The following ANO7 variants were observed in gnomAD, a reference collection of about 807,000 sequenced individuals.
The protein encoded by ANO7 is anoctamin-7.
In ANO7, 114 loss-of-function variants were observed where a neutral mutation model predicts 115.8. That is an observed-to-expected ratio of 0.98 (90% CI 0.85 to 1.15). The LOEUF (loss-of-function observed/expected upper bound fraction) is 1.15. Ranked by LOEUF, ANO7 falls within the 50% of genes most tolerant of loss-of-function variation. ANO7 has a pLI of 0.00. For synonymous variants in ANO7, 550 were observed against 498.2 expected, an observed-to-expected ratio of 1.10 and a Z score of -1.38; for missense variants, 1,302 against 1,201.2, an observed-to-expected ratio of 1.08 and a Z score of -1.24.
At chr2:241,223,330 T>G in intron 22 of ANO7, 54 bp downstream of exon 22, 1 of 1,594,198 alleles carries the variant, frequency 6.3e-7, no homozygotes, top group South Asian at 1.1e-5. Flanking sequence ...CCCGACCCTG[T>G]GCTTTGCCTA....
chr2:241,191,525 C>T (rs968721519), intron 3 of ANO7, among the ~76,000 whole-genome samples: 9 of 152,196 alleles, frequency 5.9e-5, no homozygotes, highest in Non-Finnish European at 1.0e-4. Flanking sequence ...CCAGTCCCCT[C>T]CACCATCCTC....
chr2:241,205,846 G>A (rs1386403903), intron 10 of ANO7, among the ~76,000 whole-genome samples: 52 of 87,172 alleles, frequency 6.0e-4, no homozygotes, highest in South Asian at 8.6e-4. Flanking sequence ...GTGGGCAGGA[G>A]TGCTCCCAGC....
downstream of ANO7, chr2:241,230,118 G>A: frequency 6.3e-7 from 1 of 1,591,292 alleles, no homozygotes; most frequent in Non-Finnish European, 8.6e-7. The surrounding 1 kb of genome is among the most constrained non-coding windows in gnomAD (Gnocchi z 5.0). Context: ...GACGTGCCAG[G>A]GCGCCTCAGG....
chr2:241,211,253 G>C (rs1249118905), intron 15 of ANO7, among the ~76,000 whole-genome samples: 1 of 152,224 alleles, frequency 6.6e-6, no homozygotes, highest in East Asian at 1.9e-4. Context: ...CTGAGCCTCT[G>C]TTGGGTGGTG....
intron 17 of ANO7, among the ~76,000 whole-genome samples, chr2:241,214,246 G>C (rs778040382): frequency 1.3e-5 from 2 of 152,190 alleles, no homozygotes; most frequent in Non-Finnish European, 2.9e-5. Flanking sequence ...CTTGGCTCCT[G>C]TACTGAAAAC....
At chr2:241,209,745 C>T in intron 13 of ANO7, 110 bp downstream of exon 13, 1 of 1,408,836 alleles carries the variant, frequency 7.1e-7, no homozygotes, top group East Asian at 2.5e-5. Flanking sequence ...CCTCTGGGCA[C>T]AGAACCCTCA....
chr2:241,217,090 C>T lies in ANO7; in HGVS notation c.1973-596C>T, dbSNP rs575898852. Among the ~76,000 whole-genome samples, 6 of 152,318 alleles carry T rather than the reference C, an allele frequency of 3.9e-5. No individual in the cohort carries two copies. The South Asian group carries it at 1.2e-3, about 32-fold the overall frequency. ...TCAGGTGATCCACCTGCCTCAGCCT[C>T]CCAAAGTGCTGGGGATTACAGGCGT... On this transcript the variant is annotated intron_variant, in intron 19 of 24. Transcript: ENST00000674324.
the ANO7 span, chr2:241,235,426 T>TG: frequency 6.8e-7 from 1 of 1,463,060 alleles, no homozygotes; most frequent in Non-Finnish European, 9.6e-7. Context: ...GAAAGGACAC[T>TG]GGCACTCGGG....
intron 4 of ANO7, chr2:241,196,241 G>T (rs1016699877): frequency 1.1e-6 from 1 of 921,276 alleles, no homozygotes; most frequent in Admixed American, 4.9e-5. Context: ...GTTTGCTTTC[G>T]GTGATAATGG....
At chr2:241,194,020 C>T (rs1448083472) in intron 3 of ANO7, among the ~76,000 whole-genome samples, 1 of 152,122 alleles carries the variant, frequency 6.6e-6, no homozygotes, top group Non-Finnish European at 1.5e-5. Flanking sequence ...GGATTACAGG[C>T]ATGTGCCACC....
At chr2:241,236,133 C>G in the ANO7 span, 1 of 198,848 alleles carries the variant, frequency 5.0e-6, no homozygotes, top group Non-Finnish European at 1.0e-5. Context: ...GATATATCTG[C>G]GTTGACTGCT....
At chr2:241,235,411 G>T in the ANO7 span, 1 of 1,462,748 alleles carries the variant, frequency 6.8e-7, no homozygotes, top group Non-Finnish European at 9.5e-7. Flanking sequence ...TCAACAGGAA[G>T]TTGAGAAAGG....
intron 2 of ANO7, 56 bp downstream of exon 2, chr2:241,190,227 C>T (rs1427907350): frequency 1.4e-6 from 2 of 1,447,016 alleles, no homozygotes; most frequent in Non-Finnish European, 1.9e-6. Context: ...CTGCCTGGGT[C>T]TATGCCCCCA....
intron 19 of ANO7, among the ~76,000 whole-genome samples, chr2:241,217,170 G>A (rs1196368463): frequency 1.3e-5 from 2 of 152,230 alleles, no homozygotes; most frequent in Non-Finnish European, 2.9e-5. Flanking sequence ...ATGTGAGCCG[G>A]CAGGCCCCGG....
intron 15 of ANO7, 142 bp from the exon 16 acceptor site, chr2:241,211,952 C>T (rs1470979907): frequency 3.2e-6 from 2 of 633,834 alleles, no homozygotes; most frequent in Non-Finnish European, 5.6e-6. Context: ...GGAAATGTCA[C>T]ACTTTGTCTC....
downstream of ANO7, chr2:241,229,340 A>G (rs2069440264): frequency 2.5e-6 from 1 of 395,890 alleles, no homozygotes; most frequent in African/African-American, 2.1e-5. Flanking sequence ...GTGGACCAGG[A>G]GCTGGAGTCT....
chr2:241,191,568 ACT>A (rs144642342), intron 3 of ANO7, among the ~76,000 whole-genome samples: 2,214 of 151,272 alleles, frequency 0.015, 88 homozygotes, highest in East Asian at 0.11. Context: ...GTCATTTCTG[ACT>A]CTTATCTCTT....
intron 13 of ANO7, among the ~76,000 whole-genome samples, 193 bp from the exon 14 acceptor site, chr2:241,210,102 C>G: frequency 6.6e-6 from 1 of 152,232 alleles, no homozygotes; most frequent in East Asian, 1.9e-4. Context: ...AACCCCACCC[C>G]ACCTCTGCCT....
Position 241,212,127 on chromosome 2 carries a change from C to A in ANO7, c.1595C>A (p.Ala532Asp), listed in dbSNP as rs768508762. Residue 532 changes from alanine to aspartate, a missense_variant, in exon 16 of 25, where the codon GCC (alanine) becomes GAC (aspartate). Coordinates refer to ENST00000674324, the MANE Select transcript of ANO7 (RefSeq NM_001370694.2). ...MHRTQTKFED[A>D]FTLKVFIFQF... ...CGCACCCAGACCAAGTTCGAGGACG[C>A]CTTCACCCTCAAGGTGTTCATCTTC... 8.7e-6 allele frequency: 14 copies of A among 1,614,112 alleles called. No individual in the cohort carries two copies. In the South Asian group the frequency reaches 1.5e-4, roughly 18 times the overall value.
Sources: allele counts gnomAD v4.1 joint callset (sites outside exome capture counted in the v4.1 genomes callset), GRCh38; gene constraint gnomAD v4.1.1; non-coding constraint Gnocchi (gnomAD v3.1); transcripts MANE v1.5; gene names NCBI Gene and HGNC (gene_info 2026-07-23, HGNC 2026-07-21).